Variants in CCNB2 observed in about 807,000 individuals in gnomAD.
The protein encoded by CCNB2 is cyclin B2.
CCNB2 carries 39 observed loss-of-function variants against 51.1 expected under a neutral mutation model. That is an observed-to-expected ratio of 0.76 (90% CI 0.59 to 1.00). CCNB2 has a LOEUF of 1.00. CCNB2 is among the 50% of genes least tolerant of loss of function. The pLI is 0.00. For synonymous variants in CCNB2, 174 were observed against 165.5 expected (o/e 1.05, Z -0.40); for missense variants, 472 against 470.3 (o/e 1.00, Z -0.03).
Position 59,122,184 on chromosome 15 carries a change from T to A in CCNB2, c.976-1333T>A, listed in dbSNP as rs1431736525. Reference sequence around the variant, plus strand: ...TTATACCATGCATATGAAAAAAACGTACTTTCGCTTTTAGAATTTTTGTCA... The same window carrying A: ...TTATACCATGCATATGAAAAAAACGAACTTTCGCTTTTAGAATTTTTGTCA... On this transcript the variant is annotated intron_variant, in intron 7 of 8. Coordinates refer to ENST00000288207, the MANE Select transcript of CCNB2 (RefSeq NM_004701.4). Among the ~76,000 whole-genome samples, 10 of 151,420 alleles carry A rather than the reference T, an allele frequency of 6.6e-5. No homozygotes were observed. The East Asian group carries it at 1.9e-3, about 29-fold the overall frequency.
chr15:59,124,956 T>A lies in CCNB2; in HGVS notation c.*79T>A. ...TTAGAACTCTTGATTTTGTACATAGTCCTCTGGTCTATCTCATGAAACCTC... is the reference window on the plus strand; with the variant it reads ...TTAGAACTCTTGATTTTGTACATAGACCTCTGGTCTATCTCATGAAACCTC... On this transcript the variant is annotated 3_prime_UTR_variant, in exon 9 of 9. Coordinates refer to ENST00000288207, the MANE Select transcript of CCNB2 (RefSeq NM_004701.4). 1 of 778,888 alleles carries A rather than the reference T, an allele frequency of 1.3e-6. No homozygotes were observed. Among genetic ancestry groups the A allele is most frequent in the Non-Finnish European group, 2.0e-6 (1 of 498,338 alleles). 48.2% of individuals were successfully genotyped at this position (778,888 alleles called of 1,614,324 possible).
At position 59,116,683 on chromosome 15, in the gene CCNB2, C is replaced by T; in HGVS notation, c.598-7C>T. On this transcript the variant is annotated splice_polypyrimidine_tract_variant and splice_region_variant and intron_variant, in intron 5 of 8. Coordinates refer to ENST00000288207, the MANE Select transcript of CCNB2 (RefSeq NM_004701.4). ...GTGTGACTTTTGTTACATTAATTTT[C>T]CATTAGGTTCAGCCAGTTTCCCGGA... 1 of 1,592,880 alleles carries T rather than the reference C, an allele frequency of 6.3e-7. No homozygotes were observed. The highest frequency in any genetic ancestry group is 8.6e-7 in the Non-Finnish European group (1 of 1,163,474).
At chr15:59,111,620 C>T (rs934548644) in intron 3 of CCNB2, among the ~76,000 whole-genome samples, 3 of 152,170 alleles carry the variant, frequency 2.0e-5, no homozygotes, top group South Asian at 2.1e-4. Flanking sequence ...TCTAGAAGCT[C>T]GGCTGTTGTT....
intron 8 of CCNB2, 91 bp from the exon 9 acceptor site, chr15:59,124,676 G>T: frequency 1.1e-6 from 1 of 870,186 alleles, no homozygotes. Context: ...CATGATTGTA[G>T]CCGTGGACCT....
chr15:59,120,229 A>T (rs548655722), intron 7 of CCNB2, among the ~76,000 whole-genome samples: 1 of 152,324 alleles, frequency 6.6e-6, no homozygotes, highest in East Asian at 1.9e-4. Flanking sequence ...CTGTTTAGTG[A>T]AATTGCTGAT....
Position 59,125,017 on chromosome 15 carries a change from A to G in CCNB2, c.*140A>G, listed in dbSNP as rs548713523. On this transcript the variant is annotated 3_prime_UTR_variant, in exon 9 of 9. Transcript: ENST00000288207. ...AGTTTTCTAAACATATATTGAGGAA[A>G]AATAAAGCGATTGGTTTTTCTTAAG... The G allele has an allele frequency of 1.0e-3, 504 of 493,712 alleles. 1 individual carries two copies. The highest frequency in any genetic ancestry group is 1.6e-3 in the Non-Finnish European group (453 of 279,496). The allele number at this position is 493,712 out of a possible 1,614,324, so 30.6% of individuals were successfully genotyped here. A position where few individuals can be genotyped will look rare whatever the true frequency, so the allele number is the denominator to read the frequency against.
chr15:59,108,929 G>A (rs892304080), intron 3 of CCNB2, among the ~76,000 whole-genome samples: 2 of 152,204 alleles, frequency 1.3e-5, no homozygotes, highest in African/African-American at 4.8e-5. Flanking sequence ...GTGACCTCCT[G>A]AAAGCCAAAC....
At chr15:59,121,988 T>C (rs1163622481) in intron 7 of CCNB2, among the ~76,000 whole-genome samples, 2 of 113,830 alleles carry the variant, frequency 1.8e-5, no homozygotes, top group Non-Finnish European at 3.4e-5. Flanking sequence ...CATGGTGGCA[T>C]ACACCTATAG....
chr15:59,119,266 C>G (rs1266830866), intron 7 of CCNB2, among the ~76,000 whole-genome samples: 1 of 151,900 alleles, frequency 6.6e-6, no homozygotes, highest in African/African-American at 2.4e-5. Context: ...TTGAGCCCAG[C>G]CTGGGTAGCG....
In CCNB2 at chr15:59,116,778, A is replaced by C. The variant is rs1220618453; in HGVS notation, c.686A>C (p.Asn229Thr). 1 of 1,613,990 alleles carries C rather than the reference A, an allele frequency of 6.2e-7. No individual in the cohort carries two copies. Among genetic ancestry groups the C allele is most frequent in the African/African-American group, 1.3e-5 (1 of 75,060 alleles). ...AAGTATGAGGAGATGTTTTCTCCAA[A>C]TATTGAAGACTTTGTTTACATCACA... ...ASKYEEMFSP[N>T]IEDFVYITDN... The change falls in exon 6 of 9, where the codon AAT (asparagine) becomes ACT (threonine). Residue 229 changes from asparagine (N) to threonine (T), a missense_variant. Asn to Thr is a moderately conservative substitution (Grantham distance 65). Coordinates refer to ENST00000288207, the MANE Select transcript of CCNB2 (RefSeq NM_004701.4).
chr15:59,123,735 C>T, intron 8 of CCNB2, 108 bp downstream of exon 8: 1 of 640,032 alleles, frequency 1.6e-6, no homozygotes, highest in South Asian at 1.8e-5. Context: ...ATATTAATAA[C>T]ATGTGGGAGT....
intron 5 of CCNB2, among the ~76,000 whole-genome samples, chr15:59,115,110 G>A (rs1447753986): frequency 1.3e-5 from 2 of 152,186 alleles, no homozygotes; most frequent in South Asian, 2.1e-4. Context: ...GTACTTGGGG[G>A]AAATATTGCA....
intron 1 of CCNB2, 137 bp from the exon 2 acceptor site, chr15:59,107,185 A>C (rs1021308479): frequency 2.6e-6 from 2 of 759,108 alleles, no homozygotes; most frequent in Admixed American, 3.0e-5. Context: ...AGACTTCCTG[A>C]AATGTACCTT....
intron 7 of CCNB2, among the ~76,000 whole-genome samples, chr15:59,119,478 C>G (rs79106074): frequency 9.6e-6 from 1 of 104,274 alleles, no homozygotes; most frequent in African/African-American, 4.3e-5. Context: ...AAAAAAAAAA[C>G]AAATCTGTAA....
Position 59,124,889 on chromosome 15 carries a change from C to G in CCNB2, c.*12C>G. 1.3e-6 allele frequency: 2 copies of G among 1,499,150 alleles called. No individual in the cohort carries two copies. The highest frequency in any genetic ancestry group is 1.8e-6 in the Non-Finnish European group (2 of 1,109,138). The allele number at this position is 1,499,150 out of a possible 1,614,324, so 92.9% of individuals were successfully genotyped here. ...TAGGAAGGTCCTAGGCTGCCGTGGC[C>G]CCTGGGGATGTGTGCTTCATTGTGC... On this transcript the variant is annotated 3_prime_UTR_variant, in exon 9 of 9. Transcript: ENST00000288207.
Position 59,117,296 on chromosome 15 carries a change from G to A in CCNB2, c.903G>A (p.Val301=), listed in dbSNP as rs28376133. 26,188 of 1,613,128 alleles carry A rather than the reference G, an allele frequency of 0.016. 961 individuals carry two copies. The highest frequency in any genetic ancestry group is 0.14 in the African/African-American group (10,392 of 74,994). ...TGACTCTCATCGACTATGATATGGT[G>A]CATTATCATCCTTCTAAGGTAGCAG... The part of the protein sequence containing the change: ...MELTLIDYDM[V]HYHPSKVAAA... Residue 301 remains valine, a synonymous_variant, in exon 7 of 9, where the codon GTG becomes GTA. Coordinates refer to ENST00000288207, the MANE Select transcript of CCNB2 (RefSeq NM_004701.4).
chr15:59,105,782 T>A (rs548414153), intron 1 of CCNB2, among the ~76,000 whole-genome samples: 3 of 152,226 alleles, frequency 2.0e-5, no homozygotes, highest in Non-Finnish European at 4.4e-5. Flanking sequence ...AGGCTGTTTT[T>A]CAGATTGTTC....
intron 3 of CCNB2, among the ~76,000 whole-genome samples, chr15:59,108,009 A>T (rs1298687839): frequency 6.6e-6 from 1 of 152,126 alleles, no homozygotes; most frequent in African/African-American, 2.4e-5. Flanking sequence ...TGAAAAAAAA[A>T]AATAAATATT....
intron 3 of CCNB2, among the ~76,000 whole-genome samples, chr15:59,112,848 C>T (rs1749098731): frequency 6.6e-6 from 1 of 151,354 alleles, no homozygotes; most frequent in Admixed American, 6.6e-5. Context: ...TCCTGGCTAA[C>T]ACGGTGAAAC....
Sources: allele counts gnomAD v4.1 joint callset (sites outside exome capture counted in the v4.1 genomes callset), GRCh38; gene constraint gnomAD v4.1.1; transcripts MANE v1.5; gene names NCBI Gene and HGNC (gene_info 2026-07-23, HGNC 2026-07-21).